Variants in EYS observed in about 807,000 individuals in gnomAD.
EYS encodes the protein EGF-like photoreceptor maintenance factor.
EYS carries 250 observed loss-of-function variants against 282.1 expected under a neutral mutation model. That is an observed-to-expected ratio of 0.89 (90% CI 0.80 to 0.98). The LOEUF (loss-of-function observed/expected upper bound fraction) is 0.98. Among genes scored for constraint, EYS ranks in the 50% least tolerant of loss-of-function variants. EYS has a pLI of 0.00. For missense variants in EYS, 4,016 were observed against 3,709.0 expected (o/e 1.08, Z -2.15); for synonymous variants, 1,355 against 1,282.9 (o/e 1.06, Z -1.20).
intron 12 of EYS, among the ~76,000 whole-genome samples, chr6:65,095,071 A>T (rs1774700208): frequency 6.6e-6 from 1 of 151,280 alleles, no homozygotes; most frequent in South Asian, 2.1e-4. Flanking sequence ...CCTCACCAAA[A>T]GATTGGATAA....
intron 2 of EYS, among the ~76,000 whole-genome samples, chr6:65,605,380 AG>A (rs1397156851): frequency 7.9e-5 from 12 of 152,098 alleles, no homozygotes; most frequent in African/African-American, 2.6e-4. Context: ...ATGTCTTGAA[AG>A]AAGAAAATAA....
intron 12 of EYS, among the ~76,000 whole-genome samples, chr6:65,141,029 A>G (rs1311907589): frequency 1.2e-4 from 18 of 150,236 alleles, no homozygotes; most frequent in Non-Finnish European, 1.3e-4. Flanking sequence ...GCTGCTATAA[A>G]GACACATGCA....
At chr6:64,476,554 A>C (rs1171657873) in intron 26 of EYS, among the ~76,000 whole-genome samples, 1 of 152,076 alleles carries the variant, frequency 6.6e-6, no homozygotes, top group Non-Finnish European at 1.5e-5. Context: ...CTTTTTCAAA[A>C]AGCCTCTATT....
intron 21 of EYS, among the ~76,000 whole-genome samples, chr6:64,819,629 A>G (rs188541896): frequency 1.9e-4 from 29 of 152,044 alleles, no homozygotes; most frequent in African/African-American, 5.5e-4. Context: ...AGTATCACGA[A>G]TTCTATAATT....
intron 26 of EYS, among the ~76,000 whole-genome samples, chr6:64,544,984 A>T (rs1764807540): frequency 6.6e-6 from 1 of 152,190 alleles, no homozygotes; most frequent in South Asian, 2.1e-4. Flanking sequence ...TATTCCAATC[A>T]ATAGAAAAGG....
chr6:65,321,884 A>ACCTTTTCT (rs1769485933), intron 11 of EYS, among the ~76,000 whole-genome samples: 1 of 152,220 alleles, frequency 6.6e-6, no homozygotes, highest in Admixed American at 6.5e-5. Flanking sequence ...GAAGGAGAAA[A>ACCTTTTCT]GGCTTTAGTA....
At chr6:64,792,381 A>C (rs200101405) in intron 22 of EYS, among the ~76,000 whole-genome samples, 1 of 152,110 alleles carries the variant, frequency 6.6e-6, no homozygotes, top group East Asian at 1.9e-4. Flanking sequence ...ATATTAAAAT[A>C]TAAAATTTAG....
intron 31 of EYS, among the ~76,000 whole-genome samples, chr6:64,176,548 G>A (rs1228864291): frequency 4.0e-5 from 6 of 151,650 alleles, no homozygotes; most frequent in Admixed American, 1.3e-4. Context: ...CCAAATACGC[G>A]TGAAGTTTCT....
rs138524773 is a variant in EYS, at chr6:63,878,830, G to A, written c.7056-14472C>T. 7.6e-3 allele frequency among the ~76,000 whole-genome samples: 1,158 copies of A among 152,300 alleles called. 19 individuals carry two copies. The highest frequency in any genetic ancestry group is 0.026 in the African/African-American group (1,086 of 41,566). On this transcript the variant is annotated intron_variant, in intron 35 of 42. Transcript: ENST00000503581. The stretch of plus-strand genomic sequence containing the variant: ...CATTTGCTAAGACCATTGGAAAAGT[G>A]CAGTATTAGGGTGGGAGTGTCCCGA...
At chr6:63,919,775 C>G (rs1305724957) in intron 35 of EYS, among the ~76,000 whole-genome samples, 4 of 152,342 alleles carry the variant, frequency 2.6e-5, no homozygotes, top group South Asian at 4.1e-4. Context: ...TTTCTTTACA[C>G]TCACCCCAGG....
chr6:65,407,188 C>A (rs777075011), intron 5 of EYS, among the ~76,000 whole-genome samples: 5 of 152,092 alleles, frequency 3.3e-5, no homozygotes, highest in Admixed American at 6.6e-5. Context: ...TTGTTAAATT[C>A]ATATCTAAGC....
chr6:64,595,147 T>C (rs367648778), intron 24 of EYS, among the ~76,000 whole-genome samples: 8 of 152,132 alleles, frequency 5.3e-5, no homozygotes, highest in Admixed American at 3.9e-4. Flanking sequence ...CATATGTAAA[T>C]CAATAAATGT....
intron 26 of EYS, among the ~76,000 whole-genome samples, chr6:64,513,481 CTATT>C (rs1026296559): frequency 3.8e-4 from 57 of 151,894 alleles, no homozygotes; most frequent in African/African-American, 1.3e-3. Flanking sequence ...CTTGTAGTAT[CTATT>C]AACTGCATGA....
intron 12 of EYS, among the ~76,000 whole-genome samples, chr6:65,204,719 T>C (rs1765984969): frequency 6.6e-6 from 1 of 151,592 alleles, no homozygotes; most frequent in South Asian, 2.1e-4. Flanking sequence ...TAAATACCCT[T>C]GAACTTAAAT....
Position 65,300,341 on chromosome 6 carries a change from C to T in EYS, c.1767-4222G>A, listed in dbSNP as rs1475467274. Among the ~76,000 whole-genome samples, 4 of 152,234 alleles carry T rather than the reference C, an allele frequency of 2.6e-5. No individual in the cohort carries two copies. The East Asian group carries it at 7.7e-4, about 29-fold the overall frequency. ...TCCTCATCTTTTCCTTACTTGACTT[C>T]CTATTTTAAGCGAAGTATATTATTT... On this transcript the variant is annotated intron_variant, in intron 11 of 42. Transcript: ENST00000503581.
intron 29 of EYS, among the ~76,000 whole-genome samples, chr6:64,347,323 T>G (rs1771446234): frequency 6.6e-6 from 1 of 151,414 alleles, no homozygotes; most frequent in Admixed American, 6.6e-5. Context: ...TATTAAGAAA[T>G]TATTATTAAT....
intron 2 of EYS, among the ~76,000 whole-genome samples, chr6:65,554,813 T>C (rs1165806667): frequency 6.6e-6 from 1 of 151,888 alleles, no homozygotes; most frequent in Non-Finnish European, 1.5e-5. Flanking sequence ...CAAGAAGGAG[T>C]AGAAGGCTTT....
chr6:64,810,711 T>A (rs1764567158), intron 22 of EYS, among the ~76,000 whole-genome samples: 1 of 152,154 alleles, frequency 6.6e-6, no homozygotes, highest in Non-Finnish European at 1.5e-5. Context: ...AATAAAATAG[T>A]TTTCCTTGCA....
chr6:64,310,302 A>G (rs1489195305), intron 29 of EYS, among the ~76,000 whole-genome samples: 1 of 152,206 alleles, frequency 6.6e-6, no homozygotes, highest in Non-Finnish European at 1.5e-5. Flanking sequence ...CTGCAACACT[A>G]TTCACAATAG....
Sources: allele counts gnomAD v4.1 joint callset (sites outside exome capture counted in the v4.1 genomes callset), GRCh38; gene constraint gnomAD v4.1.1; transcripts MANE v1.5; gene names NCBI Gene and HGNC (gene_info 2026-07-23, HGNC 2026-07-21).